The following CCDC192 variants were observed in gnomAD, a reference collection of about 807,000 sequenced individuals.
CCDC192 encodes the protein coiled-coil domain containing 192, also known as coiled-coil domain-containing protein 192.
At chr5:127,827,808 C>T (rs1052216341) in intron 5 of CCDC192, among the ~76,000 whole-genome samples, 1 of 152,216 alleles carries the variant, frequency 6.6e-6, no homozygotes, top group Non-Finnish European at 1.5e-5. Context: ...GGCGCAGTCT[C>T]ACCAGTACCT....
chr5:127,843,029 G>GTTTTTTTTTTTTTT (rs11428874), intron 5 of CCDC192, among the ~76,000 whole-genome samples: 2 of 91,766 alleles, frequency 2.2e-5, no homozygotes, highest in Admixed American at 1.5e-4. Context: ...TTTTAGTCAA[G>GTTTTTTTTTTTTTT]TTTTTTTTTT....
At chr5:127,786,827 C>A in intron 3 of CCDC192, 1 of 537,670 alleles carries the variant, frequency 1.9e-6, no homozygotes, top group East Asian at 3.3e-5. Flanking sequence ...GTGTCTGCCC[C>A]TTTTTTGATG....
At chr5:127,916,075 C>G (rs1753512719) in intron 6 of CCDC192, among the ~76,000 whole-genome samples, 1 of 152,204 alleles carries the variant, frequency 6.6e-6, no homozygotes, top group South Asian at 2.1e-4. Flanking sequence ...AATTTATCAA[C>G]TAAGCTTATG....
chr5:127,890,634 T>C (rs1034088867), intron 6 of CCDC192, among the ~76,000 whole-genome samples: 2 of 152,212 alleles, frequency 1.3e-5, no homozygotes, highest in Admixed American at 6.5e-5. Context: ...AGGTTAATTA[T>C]GTAGGAAGAC....
At chr5:127,791,972 T>G (rs1319587884) in intron 3 of CCDC192, among the ~76,000 whole-genome samples, 2 of 152,138 alleles carry the variant, frequency 1.3e-5, no homozygotes, top group African/African-American at 2.4e-5. Flanking sequence ...GAGAATGATG[T>G]ATGAGCAAGT....
Position 127,792,624 on chromosome 5 carries a change from C to T in CCDC192, c.223-4479C>T, listed in dbSNP as rs139143178. Among the ~76,000 whole-genome samples, 133 of 151,274 alleles carry T rather than the reference C, an allele frequency of 8.8e-4. 1 individual carries two copies. Among genetic ancestry groups the T allele is most frequent in the African/African-American group, 2.8e-3 (114 of 41,184 alleles). On this transcript the variant is annotated intron_variant, in intron 3 of 6. Transcript: ENST00000514853. The stretch of plus-strand genomic sequence containing the variant: ...AGGAAGGTGAGATGGGAGGATGGCT[C>T]GAGCCCAGTAGATAGAGGTTGCAAG...
chr5:127,772,395 G>T (rs1580632122), intron 3 of CCDC192, among the ~76,000 whole-genome samples: 2 of 151,214 alleles, frequency 1.3e-5, no homozygotes, highest in South Asian at 2.1e-4. Context: ...TGTTGGGGGG[G>T]TGCGGACGTT....
chr5:127,788,801 G>A (rs185818500), intron 3 of CCDC192, among the ~76,000 whole-genome samples: 20 of 152,058 alleles, frequency 1.3e-4, no homozygotes, highest in African/African-American at 4.8e-4. Flanking sequence ...TTGCTGTATT[G>A]CTATGGACTG....
chr5:127,715,779 A>C (rs1460133768), intron 2 of CCDC192, among the ~76,000 whole-genome samples: 6 of 152,224 alleles, frequency 3.9e-5, no homozygotes, highest in Non-Finnish European at 8.8e-5. Flanking sequence ...TTTTATTGTA[A>C]AGATCTGTTT....
intron 6 of CCDC192, among the ~76,000 whole-genome samples, chr5:127,901,153 A>G (rs1053185690): frequency 9.9e-5 from 15 of 152,228 alleles, no homozygotes; most frequent in Admixed American, 5.9e-4. Flanking sequence ...CTTACAGTAA[A>G]CAAAAAAGAT....
At chr5:127,875,150 T>C (rs948544003) in intron 5 of CCDC192, among the ~76,000 whole-genome samples, 9 of 152,166 alleles carry the variant, frequency 5.9e-5, no homozygotes, top group African/African-American at 2.2e-4. Context: ...CAAGGCTCTA[T>C]TTCATATGAG....
At chr5:127,726,677 G>A (rs1212435796) in intron 2 of CCDC192, among the ~76,000 whole-genome samples, 2 of 152,218 alleles carry the variant, frequency 1.3e-5, no homozygotes, top group Non-Finnish European at 2.9e-5. Flanking sequence ...CTTGAGGCTG[G>A]ACCTCGACCC....
chr5:127,765,489 C>G (rs1395055423), intron 3 of CCDC192, among the ~76,000 whole-genome samples: 2 of 152,068 alleles, frequency 1.3e-5, no homozygotes, highest in Non-Finnish European at 2.9e-5. Flanking sequence ...CAATAAATAT[C>G]AGTAGATATA....
chr5:127,929,722 A>G (rs1046416046), intron 6 of CCDC192, among the ~76,000 whole-genome samples: 1 of 152,142 alleles, frequency 6.6e-6, no homozygotes, highest in African/African-American at 2.4e-5. Flanking sequence ...TTACTACAAC[A>G]TTGTTTTGTT....
intron 3 of CCDC192, among the ~76,000 whole-genome samples, chr5:127,766,087 G>A (rs977819970): frequency 1.3e-5 from 2 of 152,140 alleles, no homozygotes; most frequent in African/African-American, 2.4e-5. Flanking sequence ...TTCTGATTCT[G>A]ACGGGATGAT....
chr5:127,749,116 C>A (rs948843091), intron 2 of CCDC192, among the ~76,000 whole-genome samples: 19 of 152,204 alleles, frequency 1.2e-4, no homozygotes, highest in African/African-American at 4.3e-4. Flanking sequence ...CCTTCTCCTG[C>A]CTAATTGCCC....
intron 2 of CCDC192, among the ~76,000 whole-genome samples, chr5:127,751,224 T>G (rs1319086464): frequency 6.6e-6 from 1 of 152,160 alleles, no homozygotes; most frequent in Non-Finnish European, 1.5e-5. Flanking sequence ...GGTCTTTACA[T>G]CTTGGCATGA....
intron 2 of CCDC192, among the ~76,000 whole-genome samples, chr5:127,742,331 C>A (rs1561459844): frequency 6.6e-6 from 1 of 152,124 alleles, no homozygotes; most frequent in East Asian, 1.9e-4. Context: ...CTTTCCAATA[C>A]CTTTTTCTTT....
intron 5 of CCDC192, among the ~76,000 whole-genome samples, chr5:127,848,894 C>T (rs1339700371): frequency 6.6e-6 from 1 of 152,102 alleles, no homozygotes; most frequent in Non-Finnish European, 1.5e-5. Context: ...GAGCAGTTTG[C>T]CACCTACTCA....
Sources: allele counts gnomAD v4.1 joint callset (sites outside exome capture counted in the v4.1 genomes callset), GRCh38; gene constraint gnomAD v4.1.1; transcripts MANE v1.5; gene names NCBI Gene and HGNC (gene_info 2026-07-23, HGNC 2026-07-21).